Variants in CHST15 observed in about 807,000 individuals in gnomAD.
The protein encoded by CHST15 is carbohydrate sulfotransferase 15.
A neutral mutation model predicts 53.6 loss-of-function variants in CHST15; 30 were observed. The observed-to-expected ratio is 0.56, with a 90% confidence interval of 0.42 to 0.76. CHST15 has a LOEUF of 0.76. Among genes scored for constraint, CHST15 ranks in the 30% least tolerant of loss-of-function variants. The pLI is 0.00. For missense variants in CHST15, 627 were observed against 740.5 expected (o/e 0.85, Z 1.78); for synonymous variants, 296 against 289.8 (o/e 1.02, Z -0.22).
chr10:124,090,986 A>G (rs982293823), intron 1 of CHST15, among the ~76,000 whole-genome samples: 4 of 152,202 alleles, frequency 2.6e-5, no homozygotes, highest in African/African-American at 9.6e-5. Flanking sequence ...CCGGAGCTGG[A>G]CTTTGGAGGG....
chr10:124,034,540 C>A (rs888354326), intron 5 of CHST15, among the ~76,000 whole-genome samples: 2 of 151,260 alleles, frequency 1.3e-5, no homozygotes, highest in African/African-American at 2.4e-5. Context: ...TAACAGGGAC[C>A]CTGGCTTCAT....
intron 6 of CHST15, chr10:124,020,955 TTC>T: frequency 7.2e-7 from 1 of 1,391,618 alleles, no homozygotes; most frequent in South Asian, 1.7e-5. Flanking sequence ...TGTCTGCCGA[TTC>T]TAATTGCTGG....
At position 124,045,531 on chromosome 10, in the gene CHST15, C is replaced by G. The variant is rs1008122552; in HGVS notation, c.546+136G>C. On this transcript the variant is annotated intron_variant, in intron 2 of 7. Transcript: ENST00000435907. ...TCTCAGTGCATTCAAATCCATAAGG[C>G]TGTCAAATGATCCTTGCTACATCTA... 10 of 882,332 alleles carry G rather than the reference C, an allele frequency of 1.1e-5. No homozygotes were observed. In the South Asian group the frequency reaches 1.6e-4, roughly 14 times the overall value. 54.7% of individuals were successfully genotyped at this position (882,332 alleles called of 1,614,324 possible).
intron 6 of CHST15, among the ~76,000 whole-genome samples, chr10:124,016,300 C>T (rs574338923): frequency 6.6e-6 from 1 of 152,268 alleles, no homozygotes; most frequent in Non-Finnish European, 1.5e-5. Flanking sequence ...CCTCCCAGGG[C>T]TGTGGCAGGG....
intron 5 of CHST15, among the ~76,000 whole-genome samples, chr10:124,030,234 G>A (rs575561379): frequency 9.7e-4 from 148 of 152,174 alleles, no homozygotes; most frequent in African/African-American, 3.1e-3. Context: ...CTCCCTCCCC[G>A]CTCTGTGATC....
Position 124,007,817 on chromosome 10 carries a change from A to C in CHST15, c.*2332T>G, listed in dbSNP as rs561230422. On this transcript the variant is annotated 3_prime_UTR_variant, in exon 8 of 8. Coordinates refer to ENST00000435907, the MANE Select transcript of CHST15 (RefSeq NM_001270764.2). ...GGGAGTACAATTTAACACGGTCACAACTTTTGAGAACAAAAAGGAACTTCA... is the reference window on the plus strand; with the variant it reads ...GGGAGTACAATTTAACACGGTCACACCTTTTGAGAACAAAAAGGAACTTCA... 207 of 1,232,134 alleles carry C rather than the reference A, an allele frequency of 1.7e-4. No individual in the cohort carries two copies. The South Asian group carries it at 7.4e-3, about 44-fold the overall frequency. 76.3% of individuals were successfully genotyped at this position (1,232,134 alleles called of 1,614,324 possible). A position where few individuals can be genotyped will look rare whatever the true frequency, so the allele number is the denominator to read the frequency against.
At chr10:124,081,984 A>G (rs1011502608) in intron 1 of CHST15, among the ~76,000 whole-genome samples, 3 of 152,164 alleles carry the variant, frequency 2.0e-5, no homozygotes, top group Admixed American at 2.0e-4. Context: ...CGGGCCGCCC[A>G]TCACCGCAGG....
intron 3 of CHST15, among the ~76,000 whole-genome samples, chr10:124,043,870 A>AGAACAGCACAGAGCAGAG (rs1389468287): frequency 6.6e-6 from 1 of 151,172 alleles, no homozygotes; most frequent in East Asian, 1.9e-4. Context: ...CACATAGCTG[A>AGAACAGCACAGAGCAGAG]GAACAGCACA....
In CHST15 at chr10:124,045,889, T is replaced by C. The variant is rs1342987664; in HGVS notation, c.324A>G (p.Ser108=). ...GGAAGCCTCCGTAATGGAAAGGTGA[T>C]GAGATCAGAAGCTCTTGGTGGGCCC... The part of the protein sequence containing the change: ...LSGAHQELLI[S]SPFHYGGFPS... The change falls in exon 2 of 8, where the codon TCA becomes TCG. Residue 108 remains serine, a synonymous_variant. Transcript: ENST00000435907. 6.2e-7 allele frequency: 1 copy of C among 1,613,722 alleles called. No homozygotes were observed. Among genetic ancestry groups the C allele is most frequent in the Admixed American group, 1.7e-5 (1 of 59,990 alleles).
chr10:124,044,154 ACGG>A (rs1564879488), intron 3 of CHST15, among the ~76,000 whole-genome samples: 6 of 149,406 alleles, frequency 4.0e-5, no homozygotes, highest in South Asian at 2.1e-4. Context: ...AGAGCAGGAA[ACGG>A]CACAGAGCTT....
At chr10:124,034,274 T>G (rs1947335446) in intron 5 of CHST15, among the ~76,000 whole-genome samples, 1 of 152,166 alleles carries the variant, frequency 6.6e-6, no homozygotes, top group Non-Finnish European at 1.5e-5. Flanking sequence ...ATAGAGTATT[T>G]GTTATTAAAA....
At position 124,074,706 on chromosome 10, in the gene CHST15, G is replaced by T. The variant is rs982250126; in HGVS notation, c.-513+18763C>A. 6.6e-6 allele frequency among the ~76,000 whole-genome samples: 1 copy of T among 152,074 alleles called. No homozygotes were observed. Among genetic ancestry groups the T allele is most frequent in the East Asian group, 1.9e-4 (1 of 5,188 alleles). On this transcript the variant is annotated intron_variant, in intron 1 of 7. Coordinates refer to ENST00000435907, the MANE Select transcript of CHST15 (RefSeq NM_001270764.2). The surrounding 1 kb of genome is among the most constrained non-coding windows in gnomAD (Gnocchi z 4.4). The stretch of plus-strand genomic sequence containing the variant: ...CAAACTTGCTCATAGACCACTTCCC[G>T]TTCCTGTCCCCAGCTCATCACAACT...
intron 1 of CHST15, among the ~76,000 whole-genome samples, chr10:124,077,427 CA>C (rs1949112283): frequency 6.6e-6 from 1 of 152,202 alleles, no homozygotes; most frequent in Admixed American, 6.5e-5. Context: ...ATTACACATT[CA>C]TCCCCAGAGT....
At chr10:124,011,739 G>C (rs543197769) in intron 7 of CHST15, 1 of 985,306 alleles carries the variant, frequency 1.0e-6, no homozygotes, top group Non-Finnish European at 1.2e-6. Flanking sequence ...GCTGAGGGCA[G>C]GCGCTCATGC....
At chr10:124,055,644 G>A (rs1294065551) in intron 1 of CHST15, among the ~76,000 whole-genome samples, 2 of 152,174 alleles carry the variant, frequency 1.3e-5, no homozygotes, top group African/African-American at 4.8e-5. Flanking sequence ...GGGCACCCCT[G>A]TCACCAGGGC....
intron 1 of CHST15, among the ~76,000 whole-genome samples, chr10:124,056,573 G>A (rs899273208): frequency 6.6e-6 from 1 of 152,192 alleles, no homozygotes; most frequent in African/African-American, 2.4e-5. Flanking sequence ...AAAGAAAGGC[G>A]GGCAGGGGCA....
In CHST15 at chr10:124,011,751, C is replaced by T. The variant is rs899553562; in HGVS notation, c.1495+582G>A. 4.1e-6 allele frequency: 4 copies of T among 985,320 alleles called. No homozygotes were observed. In the African/African-American group the frequency reaches 7.0e-5, roughly 17 times the overall value. 61.0% of individuals were successfully genotyped at this position (985,320 alleles called of 1,614,324 possible). A position where few individuals can be genotyped will look rare whatever the true frequency, so the allele number is the denominator to read the frequency against. On this transcript the variant is annotated intron_variant, in intron 7 of 7. Coordinates refer to ENST00000435907, the MANE Select transcript of CHST15 (RefSeq NM_001270764.2). ...CAGGCTGAGGGCAGGCGCTCATGCC[C>T]CAGGGGCCCAGCATCCATGATCAGC...
intron 1 of CHST15, among the ~76,000 whole-genome samples, chr10:124,093,179 G>A (rs1171222699): frequency 1.3e-5 from 2 of 152,160 alleles, no homozygotes; most frequent in Admixed American, 6.5e-5. Context: ...GGGGAGGCCG[G>A]GCCAAGGAGC....
chr10:124,032,374 C>T (rs752442003), intron 5 of CHST15, among the ~76,000 whole-genome samples: 5 of 152,080 alleles, frequency 3.3e-5, no homozygotes, highest in Non-Finnish European at 5.9e-5. Flanking sequence ...AACATAGACA[C>T]GGTAAAATCC....
Sources: gnomAD v4.1 joint callset for allele counts (sites outside exome capture counted in the v4.1 genomes callset) on GRCh38, gnomAD v4.1.1 for gene constraint, Gnocchi (gnomAD v3.1) non-coding constraint, MANE v1.5 for transcripts, NCBI Gene and HGNC (gene_info 2026-07-23, HGNC 2026-07-21) for gene names.